The following RBFOX1 variants were observed in gnomAD, a reference collection of about 807,000 sequenced individuals.
RBFOX1 encodes RNA binding protein fox-1 homolog 1.
In RBFOX1, 8 loss-of-function variants were observed where a neutral mutation model predicts 57.7. That is an observed-to-expected ratio of 0.14 (90% confidence interval 0.08 to 0.25). RBFOX1 has a LOEUF of 0.25. RBFOX1 is among the 10% of genes least tolerant of loss of function. The pLI, the probability that RBFOX1 is intolerant of heterozygous loss-of-function variation, is 1.00. For missense variants in RBFOX1, 611 were observed against 548.5 expected, an observed-to-expected ratio of 1.11 and a Z score of -1.14; for synonymous variants, 326 against 222.4, an observed-to-expected ratio of 1.47 and a Z score of -4.15.
chr16:6,293,936 T>C (rs553251079), intron 1 of RBFOX1, among the ~76,000 whole-genome samples: 14 of 138,522 alleles, frequency 1.0e-4, no homozygotes, highest in Non-Finnish European at 2.3e-4. Flanking sequence ...GAATTTTTAC[T>C]GTAAGAGTAA....
chr16:6,207,798 C>T lies in RBFOX1; in HGVS notation c.-126-109197C>T, dbSNP rs116395204. ...AAAGCCCTGGGCTCAGGGGATCCTC[C>T]TACCTCAGCCTGTTGCGTAGCTGGG... is the stretch of plus-strand genomic sequence containing the variant. On this transcript the variant is annotated intron_variant, in intron 1 of 15. Coordinates refer to ENST00000550418, the MANE Select transcript of RBFOX1 (RefSeq NM_018723.4). 2.6e-3 allele frequency among the ~76,000 whole-genome samples: 393 copies of T among 152,150 alleles called. 1 individual carries two copies. Among genetic ancestry groups the T allele is most frequent in the African/African-American group, 8.3e-3 (344 of 41,512 alleles).
intron 3 of RBFOX1, among the ~76,000 whole-genome samples, chr16:6,663,890 T>A (rs546636371): frequency 1.3e-5 from 2 of 152,264 alleles, no homozygotes; most frequent in African/African-American, 4.8e-5. Context: ...TGAATACACG[T>A]CAGTGTAGCT....
intron 4 of RBFOX1, among the ~76,000 whole-genome samples, chr16:7,149,469 C>A (rs961647727): frequency 2.1e-5 from 3 of 142,616 alleles, no homozygotes; most frequent in South Asian, 2.2e-4. Context: ...CTTTCTTTTT[C>A]TTTTCTTTCT....
intron 2 of RBFOX1, among the ~76,000 whole-genome samples, chr16:6,419,587 G>A (rs1010914576): frequency 6.6e-6 from 1 of 152,162 alleles, no homozygotes; most frequent in Non-Finnish European, 1.5e-5. Context: ...AGTGGGCCCC[G>A]TGCCAATTTC....
At chr16:5,498,821 C>G (rs1329030283) in intron 2 of RBFOX1, among the ~76,000 whole-genome samples, 1 of 152,244 alleles carries the variant, frequency 6.6e-6, no homozygotes, top group Non-Finnish European at 1.5e-5. Flanking sequence ...ACTCCCTCCC[C>G]TCCTATTATC....
chr16:5,422,712 A>G (rs1188133044), intron 1 of RBFOX1, among the ~76,000 whole-genome samples: 1 of 104,650 alleles, frequency 9.6e-6, no homozygotes, highest in Non-Finnish European at 2.0e-5. Flanking sequence ...AGGAAAGAGA[A>G]AGAGGAGGAG....
intron 1 of RBFOX1, among the ~76,000 whole-genome samples, chr16:6,212,796 A>G (rs2097307291): frequency 1.3e-5 from 2 of 152,220 alleles, no homozygotes; most frequent in South Asian, 4.1e-4. Flanking sequence ...TTCCATAGAT[A>G]AGACATACTC....
chr16:7,316,428 C>A (rs540944510), intron 4 of RBFOX1, among the ~76,000 whole-genome samples: 1 of 152,298 alleles, frequency 6.6e-6, no homozygotes, highest in East Asian at 1.9e-4. Flanking sequence ...CACCTCAAAT[C>A]TGATTATTTC....
At chr16:7,263,124 A>C (rs979845073) in intron 4 of RBFOX1, among the ~76,000 whole-genome samples, 2 of 152,182 alleles carry the variant, frequency 1.3e-5, no homozygotes, top group African/African-American at 2.4e-5. Context: ...AGCAAATGAG[A>C]AATTAAATGC....
chr16:7,279,437 C>T (rs1173720156), intron 4 of RBFOX1, among the ~76,000 whole-genome samples: 1 of 152,132 alleles, frequency 6.6e-6, no homozygotes, highest in Non-Finnish European at 1.5e-5. Flanking sequence ...CTCGTTTATT[C>T]AGCCGGCATT....
At chr16:6,627,138 C>T (rs2098321274) in intron 2 of RBFOX1, among the ~76,000 whole-genome samples, 1 of 152,154 alleles carries the variant, frequency 6.6e-6, no homozygotes. Context: ...CTGAAATTAG[C>T]ATTCTGTCAT....
At chr16:7,571,642 A>G (rs533784369) in intron 5 of RBFOX1, among the ~76,000 whole-genome samples, 2 of 152,216 alleles carry the variant, frequency 1.3e-5, no homozygotes, top group South Asian at 4.2e-4. Context: ...CCGCCTCCTA[A>G]TAAGGCCTTC....
rs543658048 is a variant in RBFOX1, at chr16:5,249,875, C to T, written c.219+9770C>T. Among the ~76,000 whole-genome samples the T allele has an allele frequency of 4.6e-5, 7 of 152,298 alleles. No homozygotes were observed. The East Asian group carries it at 7.7e-4, about 17-fold the overall frequency. On this transcript the variant is annotated intron_variant, in intron 1 of 2. Coordinates refer to the RBFOX1 transcript ENST00000585867. Reference sequence around the variant, plus strand: ...TTGGGAGGCTGAGGCAAGAGAATCGCTTGAACCCAGAAGCAGCAGGTTGCA... The same window carrying T: ...TTGGGAGGCTGAGGCAAGAGAATCGTTTGAACCCAGAAGCAGCAGGTTGCA...
chr16:7,469,344 G>C (rs533266075), intron 4 of RBFOX1, among the ~76,000 whole-genome samples: 1 of 152,206 alleles, frequency 6.6e-6, no homozygotes, highest in East Asian at 1.9e-4. Flanking sequence ...TTATAGGCGT[G>C]AGCCACCGCA....
chr16:7,697,494 G>A (rs1263722923), intron 14 of RBFOX1, among the ~76,000 whole-genome samples: 1 of 142,554 alleles, frequency 7.0e-6, no homozygotes, highest in Non-Finnish European at 1.5e-5. Flanking sequence ...AGCAAATTAT[G>A]TGTGCTAGTA....
chr16:6,209,072 C>G (rs1004409594), intron 1 of RBFOX1, among the ~76,000 whole-genome samples: 2 of 152,100 alleles, frequency 1.3e-5, no homozygotes, highest in Non-Finnish European at 2.9e-5. Context: ...AAACTTTGCA[C>G]TGTTTTGAGA....
chr16:5,515,550 T>A (rs1226209306), intron 2 of RBFOX1, among the ~76,000 whole-genome samples: 1 of 152,240 alleles, frequency 6.6e-6, no homozygotes, highest in Non-Finnish European at 1.5e-5. Flanking sequence ...CAGAGGCTGT[T>A]TTAATTGAGA....
chr16:6,724,755 C>A (rs1305272275), intron 3 of RBFOX1, among the ~76,000 whole-genome samples: 1 of 151,748 alleles, frequency 6.6e-6, no homozygotes, highest in Non-Finnish European at 1.5e-5. Flanking sequence ...ATTCTAAGTT[C>A]TGGGGTACAC....
intron 3 of RBFOX1, among the ~76,000 whole-genome samples, chr16:6,688,067 A>G (rs1343764516): frequency 1.3e-5 from 2 of 152,140 alleles, no homozygotes; most frequent in East Asian, 1.9e-4. Context: ...ATAGACAAAT[A>G]TTTGAGACTG....
Sources: gnomAD v4.1 joint callset for allele counts (sites outside exome capture counted in the v4.1 genomes callset) on GRCh38, gnomAD v4.1.1 for gene constraint, MANE v1.5 for transcripts, NCBI Gene and HGNC (gene_info 2026-07-23, HGNC 2026-07-21) for gene names.